SPINK5: variants seen among roughly 807,000 people sequenced by gnomAD.
SPINK5 encodes the protein serine protease inhibitor Kazal-type 5.
In SPINK5, 125 loss-of-function variants were observed where a neutral mutation model predicts 151.8. The ratio of observed to expected loss-of-function variants is 0.82; its 90% confidence interval spans 0.71 to 0.96. The LOEUF is 0.96. Ranked by LOEUF, SPINK5 falls within the 40% of genes least tolerant of loss-of-function variation. The pLI, the probability that SPINK5 is intolerant of heterozygous loss-of-function variation, is 0.00. For missense variants in SPINK5, 1,194 were observed against 1,291.9 expected (o/e 0.92, Z 1.16); for synonymous variants, 374 against 395.3 (o/e 0.95, Z 0.64).
intron 12 of SPINK5, among the ~76,000 whole-genome samples, chr5:148,100,121 G>GCTC (rs1753597336): frequency 6.6e-6 from 1 of 151,738 alleles, no homozygotes; most frequent in Non-Finnish European, 1.5e-5. Flanking sequence ...AATTGTTCTT[G>GCTC]CTCCCTGACA....
At chr5:148,113,150 T>G (rs1447410568) in intron 20 of SPINK5, among the ~76,000 whole-genome samples, 2 of 152,190 alleles carry the variant, frequency 1.3e-5, no homozygotes, top group Non-Finnish European at 2.9e-5. Flanking sequence ...TTGGCTGTTG[T>G]GACTGTAAAA....
At chr5:148,130,480 C>CT (rs1754543108) in intron 30 of SPINK5, among the ~76,000 whole-genome samples, 2 of 151,874 alleles carry the variant, frequency 1.3e-5, no homozygotes, top group Non-Finnish European at 2.9e-5. Context: ...CTTTTGAATA[C>CT]TTTTTTTATA....
intron 8 of SPINK5, 114 bp downstream of exon 8, chr5:148,091,342 T>A (rs1753304658): frequency 3.6e-6 from 3 of 830,100 alleles, no homozygotes; most frequent in Non-Finnish European, 5.7e-6. Context: ...TATATAGATA[T>A]TTTTCTTAAT....
chr5:148,081,468 A>G (rs1007797079), intron 4 of SPINK5, among the ~76,000 whole-genome samples: 17 of 151,770 alleles, frequency 1.1e-4, no homozygotes, highest in African/African-American at 4.1e-4. Flanking sequence ...ATTTTGCAAT[A>G]TGGATGAACT....
chr5:148,105,481 C>A (rs1156324484), intron 16 of SPINK5, among the ~76,000 whole-genome samples: 2 of 152,180 alleles, frequency 1.3e-5, no homozygotes, highest in East Asian at 3.9e-4. Context: ...TTAAGTTGGG[C>A]CTCTGACTTT....
At chr5:148,101,171 T>TA (rs2113119423) in intron 13 of SPINK5, among the ~76,000 whole-genome samples, 184 bp from the exon 14 acceptor site, 1 of 152,230 alleles carries the variant, frequency 6.6e-6, no homozygotes, top group East Asian at 1.9e-4. Context: ...ATTTGTATGT[T>TA]GGGGTTATAA....
At position 148,100,590 on chromosome 5, in the gene SPINK5, C is replaced by T; in HGVS notation, c.1220+9C>T. Reference sequence around the variant, plus strand: ...ATGTGTGAGGTCTTCTTGTGAGTAGCCCTGCAGCTGGGAACATGGAGGAAT... The same window carrying T: ...ATGTGTGAGGTCTTCTTGTGAGTAGTCCTGCAGCTGGGAACATGGAGGAAT... On this transcript the variant is annotated intron_variant, in intron 13 of 32. Coordinates refer to ENST00000256084, the MANE Select transcript of SPINK5 (RefSeq NM_006846.4). 1.2e-6 allele frequency: 2 copies of T among 1,612,388 alleles called. No homozygotes were observed. Among genetic ancestry groups the T allele is most frequent in the South Asian group, 2.2e-5 (2 of 91,056 alleles).
chr5:148,068,554 C>CAAAAAAAAAAAAAAAAAA (rs1166912306), intron 2 of SPINK5, among the ~76,000 whole-genome samples: 1 of 89,232 alleles, frequency 1.1e-5, no homozygotes, highest in Non-Finnish European at 2.2e-5. Flanking sequence ...CCTGCCTCTC[C>CAAAAAAAAAAAAAAAAAA]AAAAAAAAAA....
intron 26 of SPINK5, among the ~76,000 whole-genome samples, chr5:148,123,435 A>G: frequency 1.1e-5 from 1 of 92,498 alleles, no homozygotes; most frequent in Non-Finnish European, 2.3e-5. Context: ...GATATATATT[A>G]TCTATCTATC....
At chr5:148,131,456 A>G in intron 31 of SPINK5, 67 bp downstream of exon 31, 1 of 1,599,958 alleles carries the variant, frequency 6.3e-7, no homozygotes, top group East Asian at 2.2e-5. Flanking sequence ...GTTAACCCAT[A>G]GTAATGCACT....
chr5:148,101,928 C>T lies in SPINK5; in HGVS notation c.1430+20C>T. ...CTTCTTGTGAGTAGAGCAGTAGCCCCATAGCGTCTGAGGATTGAGCAGTGG... is the reference window on the plus strand; with the variant it reads ...CTTCTTGTGAGTAGAGCAGTAGCCCTATAGCGTCTGAGGATTGAGCAGTGG... On this transcript the variant is annotated intron_variant, in intron 15 of 32. Coordinates refer to ENST00000256084, the MANE Select transcript of SPINK5 (RefSeq NM_006846.4). The T allele has an allele frequency of 6.2e-7, 1 of 1,613,142 alleles. No individual in the cohort carries two copies. The highest frequency in any genetic ancestry group is 1.3e-5 in the African/African-American group (1 of 74,958).
intron 30 of SPINK5, among the ~76,000 whole-genome samples, chr5:148,128,784 A>G: frequency 6.6e-6 from 1 of 152,048 alleles, no homozygotes; most frequent in East Asian, 1.9e-4. Flanking sequence ...CGGCCTCCCA[A>G]AGTGCTGGGA....
At chr5:148,114,887 G>T (rs765278704) in intron 21 of SPINK5, among the ~76,000 whole-genome samples, 1 of 152,152 alleles carries the variant, frequency 6.6e-6, no homozygotes, top group South Asian at 2.1e-4. Flanking sequence ...AAAATGAAAA[G>T]TAGGTCTTTA....
At chr5:148,105,584 T>C (rs1180198079) in intron 16 of SPINK5, among the ~76,000 whole-genome samples, 1 of 151,974 alleles carries the variant, frequency 6.6e-6, no homozygotes, top group East Asian at 1.9e-4. Flanking sequence ...TATTCTCATA[T>C]AATAGCTACA....
rs1361500768 is a variant in SPINK5, at chr5:148,126,885, C to T, written c.2868-98C>T. 2.9e-6 allele frequency: 3 copies of T among 1,048,544 alleles called. No individual in the cohort carries two copies. The Admixed American group carries it at 6.5e-5, about 23-fold the overall frequency. The allele number at this position is 1,048,544 out of a possible 1,614,324, so 65.0% of individuals were successfully genotyped here. On this transcript the variant is annotated intron_variant, in intron 29 of 32. Transcript: ENST00000256084. ...GGGGTTACAGGCGTGAACTACCATG[C>T]CTGGCCTCTGTCACATTTTATGAGG...
intron 30 of SPINK5, 22 bp downstream of exon 30, chr5:148,127,101 A>C (rs1754451874): frequency 6.3e-7 from 1 of 1,588,056 alleles, no homozygotes; most frequent in African/African-American, 1.3e-5. Flanking sequence ...TATTTCTGAA[A>C]AGCTACTTAT....
chr5:148,100,623 T>C, intron 13 of SPINK5, 42 bp downstream of exon 13: 1 of 1,607,212 alleles, frequency 6.2e-7, no homozygotes, highest in Non-Finnish European at 8.5e-7. Flanking sequence ...AATGATTTTG[T>C]TCTTTCTATT....
At chr5:148,067,251 A>C (rs1752609306) in intron 2 of SPINK5, among the ~76,000 whole-genome samples, 1 of 152,212 alleles carries the variant, frequency 6.6e-6, no homozygotes, top group Non-Finnish European at 1.5e-5. Flanking sequence ...GGACAATAGA[A>C]GACAACAAAT....
At chr5:148,067,862 C>T (rs183500220) in intron 2 of SPINK5, among the ~76,000 whole-genome samples, 1 of 152,226 alleles carries the variant, frequency 6.6e-6, no homozygotes, top group African/African-American at 2.4e-5. Context: ...CAATCCTCCT[C>T]CCTTTGCATC....
Sources: gnomAD v4.1 joint callset for allele counts (sites outside exome capture counted in the v4.1 genomes callset) on GRCh38, gnomAD v4.1.1 for gene constraint, MANE v1.5 for transcripts, NCBI Gene and HGNC (gene_info 2026-07-23, HGNC 2026-07-21) for gene names.